ARHGAP10: variants seen among roughly 807,000 people sequenced by gnomAD.
ARHGAP10 encodes the protein Rho GTPase activating protein 10.
A neutral mutation model predicts 108.6 loss-of-function variants in ARHGAP10; 87 were observed. The observed-to-expected ratio is 0.80, with a 90% CI of 0.67 to 0.96. ARHGAP10 has a LOEUF of 0.96. Ranked by LOEUF, ARHGAP10 falls within the 40% of genes least tolerant of loss-of-function variation. The probability of loss-of-function intolerance (pLI) is 0.00; values close to 1 mark genes in which losing one functional copy is unlikely to be tolerated. For synonymous variants in ARHGAP10, 347 were observed against 341.1 expected, an observed-to-expected ratio of 1.02 and a Z score of -0.19; for missense variants, 939 against 954.5, an observed-to-expected ratio of 0.98 and a Z score of 0.21.
chr4:147,975,422 G>A (rs951978088), intron 18 of ARHGAP10, among the ~76,000 whole-genome samples: 1 of 152,210 alleles, frequency 6.6e-6, no homozygotes, highest in Non-Finnish European at 1.5e-5. Context: ...GTCTTAGTCT[G>A]TATTGTGTTG....
At chr4:147,970,353 G>A (rs530785570) in intron 18 of ARHGAP10, among the ~76,000 whole-genome samples, 3 of 152,026 alleles carry the variant, frequency 2.0e-5, no homozygotes, top group Non-Finnish European at 2.9e-5. Context: ...AGATGAAAAC[G>A]AGAGAGGGAG....
intron 1 of ARHGAP10, among the ~76,000 whole-genome samples, chr4:147,800,736 G>A (rs1399251263): frequency 6.6e-6 from 1 of 152,102 alleles, no homozygotes; most frequent in Non-Finnish European, 1.5e-5. Flanking sequence ...CTATTTCCAG[G>A]GTTTATAGCG....
intron 16 of ARHGAP10, among the ~76,000 whole-genome samples, chr4:147,957,869 T>C (rs1163358117): frequency 6.6e-6 from 1 of 152,166 alleles, no homozygotes; most frequent in Non-Finnish European, 1.5e-5. Context: ...TGTTCCTTGT[T>C]CTGAAAAAAA....
At chr4:147,860,123 A>G (rs1033432432) in intron 5 of ARHGAP10, among the ~76,000 whole-genome samples, 2 of 152,180 alleles carry the variant, frequency 1.3e-5, no homozygotes, top group African/African-American at 2.4e-5. Flanking sequence ...TACATAATTC[A>G]TTCTCTCCTC....
At chr4:147,849,270 C>T (rs1214191809) in intron 4 of ARHGAP10, among the ~76,000 whole-genome samples, 8 of 151,194 alleles carry the variant, frequency 5.3e-5, no homozygotes, top group Non-Finnish European at 1.0e-4. Flanking sequence ...CTACCAGCCC[C>T]TACCCTGCCT....
chr4:147,771,894 C>T (rs1361009557), intron 1 of ARHGAP10, among the ~76,000 whole-genome samples: 2 of 152,244 alleles, frequency 1.3e-5, no homozygotes, highest in Admixed American at 6.5e-5. Flanking sequence ...CAGGTTCTAG[C>T]GATTTTCCTG....
intron 8 of ARHGAP10, among the ~76,000 whole-genome samples, chr4:147,876,362 G>A (rs562846957): frequency 2.6e-5 from 4 of 152,296 alleles, no homozygotes; most frequent in South Asian, 2.1e-4. Context: ...GGAGGCCGAG[G>A]TGGGCAGATC....
chr4:147,815,887 A>C (rs1732223096), intron 1 of ARHGAP10, among the ~76,000 whole-genome samples: 1 of 152,168 alleles, frequency 6.6e-6, no homozygotes, highest in Non-Finnish European at 1.5e-5. Flanking sequence ...TTTTAGCCCC[A>C]TGAGACTTCC....
intron 18 of ARHGAP10, among the ~76,000 whole-genome samples, chr4:148,019,946 T>A (rs971821891): frequency 6.6e-6 from 1 of 152,188 alleles, no homozygotes; most frequent in African/African-American, 2.4e-5. Flanking sequence ...TTAATGGAAA[T>A]GCTTGGGACC....
chr4:147,947,533 G>T (rs1738433513), intron 15 of ARHGAP10, among the ~76,000 whole-genome samples: 1 of 151,890 alleles, frequency 6.6e-6, no homozygotes, highest in South Asian at 2.1e-4. Context: ...CTCCTGAGTA[G>T]CTGGGATTAC....
chr4:147,848,182 AC>A (rs1733712873), intron 4 of ARHGAP10, among the ~76,000 whole-genome samples: 1 of 152,086 alleles, frequency 6.6e-6, no homozygotes, highest in Admixed American at 6.6e-5. Context: ...ACACAGATGA[AC>A]CCAAGGAGTT....
chr4:148,015,582 G>T (rs1209542514), intron 18 of ARHGAP10, among the ~76,000 whole-genome samples: 4 of 152,154 alleles, frequency 2.6e-5, no homozygotes, highest in African/African-American at 9.7e-5. Context: ...TTCTAGAAAA[G>T]ACCCTCATTT....
At chr4:148,051,589 G>A (rs1046459310) in intron 20 of ARHGAP10, among the ~76,000 whole-genome samples, 1 of 152,184 alleles carries the variant, frequency 6.6e-6, no homozygotes, top group Non-Finnish European at 1.5e-5. Context: ...CTAGCTGGGG[G>A]TGCCGGCACC....
chr4:147,778,919 A>G (rs964808463), intron 1 of ARHGAP10, among the ~76,000 whole-genome samples: 7 of 152,116 alleles, frequency 4.6e-5, no homozygotes, highest in African/African-American at 1.7e-4. Context: ...GGTAGATAGG[A>G]TTTAGGTAGG....
At chr4:147,906,451 A>G (rs1736497914) in intron 10 of ARHGAP10, among the ~76,000 whole-genome samples, 187 bp from the exon 11 acceptor site, 1 of 152,256 alleles carries the variant, frequency 6.6e-6, no homozygotes, top group Non-Finnish European at 1.5e-5. Flanking sequence ...ATGGTTATGT[A>G]ACATTGTGAA....
At chr4:147,823,017 T>C (rs1331170568) in intron 3 of ARHGAP10, 60 bp downstream of exon 3, 6 of 1,495,668 alleles carry the variant, frequency 4.0e-6, no homozygotes, top group Non-Finnish European at 3.7e-6. Context: ...AAATCTGGAT[T>C]TGGAAGCTTG....
intron 22 of ARHGAP10, among the ~76,000 whole-genome samples, chr4:148,067,469 G>A (rs1216365164): frequency 1.3e-5 from 2 of 152,186 alleles, no homozygotes; most frequent in Non-Finnish European, 2.9e-5. Context: ...GGCTTCTGTG[G>A]AGCCAGGCAG....
At chr4:147,898,343 G>C (rs889036562) in intron 10 of ARHGAP10, among the ~76,000 whole-genome samples, 1 of 151,796 alleles carries the variant, frequency 6.6e-6, no homozygotes, top group Non-Finnish European at 1.5e-5. Context: ...TTGTCTTCAG[G>C]CTTCCGTTTA....
intron 18 of ARHGAP10, among the ~76,000 whole-genome samples, chr4:148,015,683 C>T (rs928758286): frequency 6.6e-6 from 1 of 152,162 alleles, no homozygotes; most frequent in African/African-American, 2.4e-5. Context: ...GAGGTTAAGT[C>T]GTAGGTCGAA....
Sources: gnomAD v4.1 joint callset for allele counts (sites outside exome capture counted in the v4.1 genomes callset) on GRCh38, gnomAD v4.1.1 for gene constraint, MANE v1.5 for transcripts, NCBI Gene and HGNC (gene_info 2026-07-23, HGNC 2026-07-21) for gene names.